CAMLG: variants seen among roughly 807,000 people sequenced by gnomAD.
CAMLG encodes calcium modulating ligand.
A neutral mutation model predicts 28.9 loss-of-function variants in CAMLG; 23 were observed. The ratio of observed to expected loss-of-function variants is 0.80; its 90% CI spans 0.57 to 1.13. CAMLG has a LOEUF of 1.13. CAMLG is among the 50% of genes most tolerant of loss of function. CAMLG has a pLI of 0.00. For synonymous variants in CAMLG, 141 were observed against 146.5 expected (o/e 0.96, Z 0.27); for missense variants, 367 against 371.9 (o/e 0.99, Z 0.11).
intron 1 of CAMLG, among the ~76,000 whole-genome samples, chr5:134,740,297 A>G: frequency 6.6e-6 from 1 of 152,208 alleles, no homozygotes; most frequent in African/African-American, 2.4e-5. Flanking sequence ...GCTTTGGGAT[A>G]TGCCACACCC....
intron 1 of CAMLG, among the ~76,000 whole-genome samples, chr5:134,739,794 T>G (rs1752962035): frequency 6.6e-6 from 1 of 152,248 alleles, no homozygotes; most frequent in Non-Finnish European, 1.5e-5. Flanking sequence ...ATCGGGCTAT[T>G]TATTCTTAAA....
chr5:134,750,962 C>T lies in CAMLG; in HGVS notation c.*12C>T. On this transcript the variant is annotated 3_prime_UTR_variant, in exon 4 of 4. Coordinates refer to ENST00000297156, the MANE Select transcript of CAMLG (RefSeq NM_001745.4). ...CTGAAGTACCATGAAGCCTGTAGAA[C>T]TGAGAAGGAGAAGCTTACAAAAAAA... is the stretch of plus-strand genomic sequence containing the variant. 6.3e-7 allele frequency: 1 copy of T among 1,577,042 alleles called. No individual in the cohort carries two copies. Among genetic ancestry groups the T allele is most frequent in the East Asian group, 2.2e-5 (1 of 44,562 alleles).
chr5:134,746,808 C>T (rs1290431150), intron 3 of CAMLG, among the ~76,000 whole-genome samples: 4 of 150,938 alleles, frequency 2.7e-5, no homozygotes, highest in Non-Finnish European at 5.9e-5. Flanking sequence ...CAAAAGTTGG[C>T]CAGGCGTGGT....
At chr5:134,748,487 G>A (rs765234080) in intron 3 of CAMLG, among the ~76,000 whole-genome samples, 9 of 152,108 alleles carry the variant, frequency 5.9e-5, no homozygotes, top group South Asian at 2.1e-4. Flanking sequence ...GCAGTGGGCC[G>A]AGATCCTGCC....
chr5:134,738,788 C>T lies in CAMLG; in HGVS notation c.168C>T (p.Gly56=), dbSNP rs772848863. 1 of 1,613,974 alleles carries T rather than the reference C, an allele frequency of 6.2e-7. No individual in the cohort carries two copies. Among genetic ancestry groups the T allele is most frequent in the South Asian group, 1.1e-5 (1 of 91,074 alleles). Residue 56 remains glycine, a synonymous_variant, in exon 1 of 4, where the codon GGC becomes GGT. Coordinates refer to ENST00000297156, the MANE Select transcript of CAMLG (RefSeq NM_001745.4). The part of the protein sequence containing the change: ...RIMGFHRPGS[G]AEEESQTKSK... ...TGGGCTTTCACAGGCCCGGGAGCGG[C>T]GCGGGTAAGAGCCTCGATTTCCCCT...
At chr5:134,739,829 GT>G (rs1752962268) in intron 1 of CAMLG, among the ~76,000 whole-genome samples, 1 of 152,112 alleles carries the variant, frequency 6.6e-6, no homozygotes, top group African/African-American at 2.4e-5. Flanking sequence ...CTTACCTGAG[GT>G]ACTTTCTATA....
intron 3 of CAMLG, among the ~76,000 whole-genome samples, chr5:134,747,643 G>A (rs921045186): frequency 6.9e-6 from 1 of 145,702 alleles, no homozygotes; most frequent in African/African-American, 2.5e-5. Context: ...ACCATGCTCG[G>A]CATTTTTTTT....
At position 134,752,142 on chromosome 5, in the gene CAMLG, T is replaced by C. The variant is rs943603597; in HGVS notation, c.*1192T>C. Reference sequence around the variant, plus strand: ...TAATCCTTGTGACATTAAAAACACATACACTTTTTAAAAAATTACTCTTTA... The same window carrying C: ...TAATCCTTGTGACATTAAAAACACACACACTTTTTAAAAAATTACTCTTTA... On this transcript the variant is annotated 3_prime_UTR_variant, in exon 4 of 4. Coordinates refer to ENST00000297156, the MANE Select transcript of CAMLG (RefSeq NM_001745.4). The C allele has an allele frequency of 5.3e-5, 8 of 152,220 alleles. No individual in the cohort carries two copies. Among genetic ancestry groups the C allele is most frequent in the Non-Finnish European group, 1.2e-4 (8 of 68,026 alleles). The allele number at this position is 152,220 out of a possible 1,614,324, so 9.4% of individuals were successfully genotyped here.
chr5:134,741,819 G>A (rs1455732366), intron 2 of CAMLG, among the ~76,000 whole-genome samples: 2 of 152,118 alleles, frequency 1.3e-5, no homozygotes, highest in African/African-American at 2.4e-5. Flanking sequence ...GGTGGTGCAC[G>A]CCTGTAATCC....
In CAMLG at chr5:134,738,696, C is replaced by T. The variant is rs772673231; in HGVS notation, c.76C>T (p.Gln26Ter). Residue 26 changes from glutamine to a stop codon, truncating the protein, a stop_gained, in exon 1 of 4, where the codon CAG (glutamine) becomes TAG (stop). Transcript: ENST00000297156. LOFTEE classifies it high-confidence loss of function. ...VPAGSGLSASQRRAELRRRKL... is the reference protein window; with the variant it reads ...VPAGSGLSAS The stretch of plus-strand genomic sequence containing the variant: ...AGCGGGCTCAGGTCTGTCGGCTTCC[C>T]AGCGTCGGGCGGAGCTGCGTCGGAG... The T allele has an allele frequency of 6.2e-7, 1 of 1,613,910 alleles. No individual in the cohort carries two copies. Among genetic ancestry groups the T allele is most frequent in the East Asian group, 2.2e-5 (1 of 44,854 alleles).
chr5:134,743,959 TATTTA>T, intron 2 of CAMLG, 23 bp from the exon 3 acceptor site: 2 of 1,017,956 alleles, frequency 2.0e-6, no homozygotes, highest in Non-Finnish European at 3.0e-6. Flanking sequence ...ATGTTGGAAA[TATTTA>T]ATTTTATCTT....
chr5:134,739,260 C>T (rs1223895017), intron 1 of CAMLG, among the ~76,000 whole-genome samples: 1 of 152,180 alleles, frequency 6.6e-6, no homozygotes, highest in Non-Finnish European at 1.5e-5. Flanking sequence ...CCCACATCAG[C>T]CTGTCTTTAC....
At chr5:134,739,949 T>C (rs1048815664) in intron 1 of CAMLG, among the ~76,000 whole-genome samples, 1 of 152,116 alleles carries the variant, frequency 6.6e-6, no homozygotes, top group African/African-American at 2.4e-5. Flanking sequence ...GATCATAGCT[T>C]ACTGCAGCCT....
At position 134,741,115 on chromosome 5, in the gene CAMLG, C is replaced by T. The variant is rs1229044104; in HGVS notation, c.225C>T (p.Ser75=). 1.2e-6 allele frequency: 2 copies of T among 1,613,960 alleles called. No individual in the cohort carries two copies. Among genetic ancestry groups the T allele is most frequent in the East Asian group, 2.2e-5 (1 of 44,900 alleles). ...AGCAGGACAGTGATAAACTGAACTC[C>T]CTCAGCGTTCCTTCCGTTTCAAAGC... ...SKQQDSDKLN[S]LSVPSVSKRV... The change falls in exon 2 of 4, where the codon TCC becomes TCT. Residue 75 remains serine (S), a synonymous_variant. Coordinates refer to ENST00000297156, the MANE Select transcript of CAMLG (RefSeq NM_001745.4).
At chr5:134,750,355 TG>T (rs2150122711) in intron 3 of CAMLG, among the ~76,000 whole-genome samples, 1 of 152,030 alleles carries the variant, frequency 6.6e-6, no homozygotes, top group African/African-American at 2.4e-5. Flanking sequence ...CTGACCAACA[TG>T]GTGAAATCCT....
chr5:134,740,971 T>G, intron 1 of CAMLG, 92 bp from the exon 2 acceptor site: 1 of 813,976 alleles, frequency 1.2e-6, no homozygotes, highest in Non-Finnish European at 2.0e-6. Context: ...GCTGCTGAGT[T>G]CTAGCTGCAA....
At chr5:134,748,671 T>C (rs1322550059) in intron 3 of CAMLG, among the ~76,000 whole-genome samples, 1 of 152,234 alleles carries the variant, frequency 6.6e-6, no homozygotes, top group Non-Finnish European at 1.5e-5. Context: ...TCAAGGTTTA[T>C]AACTTCACTG....
chr5:134,750,764 AAAG>A lies in CAMLG; in HGVS notation c.710_712del (p.Lys237del), dbSNP rs758885448. On this transcript the variant is annotated inframe_deletion, in exon 4 of 4. Coordinates refer to ENST00000297156, the MANE Select transcript of CAMLG (RefSeq NM_001745.4). Reference sequence around the variant, plus strand: ...TTGAGTCTTTCTCTACACAGAGTGAAAAGAAGATAAAGACAACAGTACTAACAG... The same window carrying A: ...TTGAGTCTTTCTCTACACAGAGTGAAAAGATAAAGACAACAGTACTAACAG... 1.9e-6 allele frequency: 3 copies of A among 1,610,606 alleles called. No individual in the cohort carries two copies. Among genetic ancestry groups the A allele is most frequent in the East Asian group, 2.2e-5 (1 of 44,860 alleles).
At chr5:134,747,087 AAAAT>A (rs982407704) in intron 3 of CAMLG, among the ~76,000 whole-genome samples, 3 of 152,132 alleles carry the variant, frequency 2.0e-5, no homozygotes, top group South Asian at 2.1e-4. Flanking sequence ...CTCCATCTCA[AAAAT>A]AAATAAACAC....
Sources: gnomAD v4.1 joint callset for allele counts (sites outside exome capture counted in the v4.1 genomes callset) on GRCh38, gnomAD v4.1.1 for gene constraint, MANE v1.5 for transcripts, NCBI Gene and HGNC (gene_info 2026-07-23, HGNC 2026-07-21) for gene names.